RBM25: variants seen among roughly 807,000 people sequenced by gnomAD.
The protein encoded by RBM25 is RNA binding motif protein 25.
RBM25 carries 19 observed loss-of-function variants against 120.7 expected under a neutral mutation model. The observed-to-expected ratio is 0.16, with a 90% CI of 0.11 to 0.23. RBM25 has a LOEUF of 0.23. Ranked by LOEUF, RBM25 falls within the 10% of genes least tolerant of loss-of-function variation. RBM25 has a pLI of 1.00. For synonymous variants in RBM25, 390 were observed against 326.7 expected, an observed-to-expected ratio of 1.19 and a Z score of -2.09; for missense variants, 605 against 1,041.5, an observed-to-expected ratio of 0.58 and a Z score of 5.77.
chr14:73,104,034 A>G (rs1310513396), intron 10 of RBM25, among the ~76,000 whole-genome samples: 2 of 150,502 alleles, frequency 1.3e-5, no homozygotes, highest in African/African-American at 2.5e-5. Context: ...GGTAAAAGTA[A>G]TAATTTTCAA....
intron 7 of RBM25, 91 bp downstream of exon 7, chr14:73,097,191 C>CTTTTTTTTT (rs202085217): frequency 7.7e-5 from 29 of 375,676 alleles, no homozygotes; most frequent in Admixed American, 3.7e-4. Flanking sequence ...TTTCTTTTTT[C>CTTTTTTTTT]TTTTCTTTTT....
At position 73,109,511 on chromosome 14, in the gene RBM25, T is replaced by A; in HGVS notation, c.1692+19T>A. On this transcript the variant is annotated intron_variant, in intron 14 of 18. Coordinates refer to ENST00000261973, the MANE Select transcript of RBM25 (RefSeq NM_021239.3). ...CCAGAGGGTAAGATACTGTACCATCTGGTCGGGCGCGGTGGCTCACGCCTG... is the reference window on the plus strand; with the variant it reads ...CCAGAGGGTAAGATACTGTACCATCAGGTCGGGCGCGGTGGCTCACGCCTG... 6.2e-7 allele frequency: 1 copy of A among 1,603,956 alleles called. No individual in the cohort carries two copies. The highest frequency in any genetic ancestry group is 8.5e-7 in the Non-Finnish European group (1 of 1,175,422).
intron 2 of RBM25, 63 bp from the exon 3 acceptor site, chr14:73,076,256 G>A (rs1895418460): frequency 7.7e-7 from 1 of 1,299,714 alleles, no homozygotes; most frequent in Non-Finnish European, 1.1e-6. Context: ...ATACTTAATT[G>A]TGTGGCATGT....
In RBM25 at chr14:73,119,819, T is replaced by G; in HGVS notation, c.*14T>G. On this transcript the variant is annotated 3_prime_UTR_variant, in exon 19 of 19. Transcript: ENST00000261973. Reference sequence around the variant, plus strand: ...CTTGTGAAGTAAAACTTTTTATATTTAGAGTTCCATTTCAGATTTCTTCTT... The same window carrying G: ...CTTGTGAAGTAAAACTTTTTATATTGAGAGTTCCATTTCAGATTTCTTCTT... 6.3e-7 allele frequency: 1 copy of G among 1,594,796 alleles called. No homozygotes were observed. The highest frequency in any genetic ancestry group is 8.5e-7 in the Non-Finnish European group (1 of 1,175,472).
At chr14:73,070,460 CT>C (rs1895258427) in intron 1 of RBM25, among the ~76,000 whole-genome samples, 1 of 151,466 alleles carries the variant, frequency 6.6e-6, no homozygotes, top group Non-Finnish European at 1.5e-5. Context: ...AAAACTATGA[CT>C]TTTTTTTCTC....
chr14:73,108,653 A>G (rs1896240812), intron 13 of RBM25, among the ~76,000 whole-genome samples: 1 of 152,164 alleles, frequency 6.6e-6, no homozygotes, highest in Admixed American at 6.5e-5. Flanking sequence ...TTTTATCTCT[A>G]ATTTGTCTGA....
intron 6 of RBM25, among the ~76,000 whole-genome samples, chr14:73,091,954 A>G (rs1213137917): frequency 1.3e-5 from 2 of 152,218 alleles, no homozygotes; most frequent in East Asian, 1.9e-4. Flanking sequence ...CAATTGACAG[A>G]TATCAGTTAT....
chr14:73,110,148 G>C (rs371494352), intron 14 of RBM25, among the ~76,000 whole-genome samples: 1 of 149,962 alleles, frequency 6.7e-6, no homozygotes, highest in Non-Finnish European at 1.5e-5. Context: ...GCATCCCAAA[G>C]TCCTGGGATT....
rs2140462395 is a variant in RBM25, at chr14:73,110,962, G to A, written c.1824G>A (p.Glu608=). The change falls in exon 15 of 19, where the codon GAG becomes GAA. Residue 608 remains glutamate (E), a synonymous_variant. Coordinates refer to ENST00000261973, the MANE Select transcript of RBM25 (RefSeq NM_021239.3). Reference sequence around the variant, plus strand: ...CCATGGAAGAGGAAGAGGAGCCAGAGCAAAAGCCTTGTCTGAAACCTACTC... The same window carrying A: ...CCATGGAAGAGGAAGAGGAGCCAGAACAAAAGCCTTGTCTGAAACCTACTC... ...EEPMEEEEEP[E]QKPCLKPTLR... is the part of the protein sequence containing the mutation. 1.9e-6 allele frequency: 3 copies of A among 1,613,110 alleles called. No homozygotes were observed. Among genetic ancestry groups the A allele is most frequent in the Non-Finnish European group, 2.5e-6 (3 of 1,179,490 alleles).
At chr14:73,118,791 G>A (rs760500246) in intron 18 of RBM25, among the ~76,000 whole-genome samples, 2 of 151,324 alleles carry the variant, frequency 1.3e-5, no homozygotes, top group Non-Finnish European at 1.5e-5. Context: ...ATTTAGAGAC[G>A]GAGTTTTGCT....
At position 73,103,980 on chromosome 14, in the gene RBM25, ACACACACACACACACTCTCTCT is replaced by A. The variant is rs1594928424; in HGVS notation, c.1154+504_1154+525del. ...CACACACACACACACACACACACAC[ACACACACACACACACTCTCTCT>A]CTCTCTCTCTCTCTCACTATGGGTA... On this transcript the variant is annotated intron_variant, in intron 10 of 18. Transcript: ENST00000261973. 2.2e-5 allele frequency among the ~76,000 whole-genome samples: 3 copies of A among 136,658 alleles called. No individual in the cohort carries two copies. In the East Asian group the frequency reaches 6.5e-4, roughly 29 times the overall value. The allele number at this position is 136,658 out of a possible 152,430, so 89.7% of individuals were successfully genotyped here. A position where few individuals can be genotyped will look rare whatever the true frequency, so the allele number is the denominator to read the frequency against.
At chr14:73,097,125 C>T in intron 7 of RBM25, 25 bp downstream of exon 7, 1 of 1,513,718 alleles carries the variant, frequency 6.6e-7, no homozygotes, top group Non-Finnish European at 8.9e-7. Flanking sequence ...AACAACATAT[C>T]ATTTCTACCG....
chr14:73,072,989 C>G (rs968019486), intron 2 of RBM25, among the ~76,000 whole-genome samples: 2 of 152,056 alleles, frequency 1.3e-5, no homozygotes, highest in Non-Finnish European at 2.9e-5. Flanking sequence ...TACAGTGGCA[C>G]GATCATGGCT....
chr14:73,068,491 T>C (rs1895197464), intron 1 of RBM25: 1 of 894,584 alleles, frequency 1.1e-6, no homozygotes, highest in Non-Finnish European at 1.8e-6. Flanking sequence ...GTATTGTCAG[T>C]GTGCCGCATG....
chr14:73,121,601 A>AC lies in RBM25; in HGVS notation c.*1801dup, dbSNP rs1018788619. The stretch of plus-strand genomic sequence containing the variant: ...AATTTTTCAGTCTTTTCTTAGACAC[A>AC]CCCCCAGCCTAAGACCTTGTTCGAG... On this transcript the variant is annotated 3_prime_UTR_variant, in exon 19 of 19. Coordinates refer to ENST00000261973, the MANE Select transcript of RBM25 (RefSeq NM_021239.3). 1.3e-5 allele frequency: 2 copies of AC among 152,040 alleles called. No homozygotes were observed. The highest frequency in any genetic ancestry group is 2.9e-5 in the Non-Finnish European group (2 of 68,004). 9.4% of individuals were successfully genotyped at this position (152,040 alleles called of 1,614,324 possible).
intron 9 of RBM25, chr14:73,100,359 G>C: frequency 1.5e-6 from 1 of 668,960 alleles, no homozygotes; most frequent in East Asian, 2.8e-5. Flanking sequence ...ACAAGGAATA[G>C]GATGTAAGTA....
At chr14:73,061,161 A>C (rs1383006299) in intron 1 of RBM25, among the ~76,000 whole-genome samples, 2 of 150,598 alleles carry the variant, frequency 1.3e-5, no homozygotes, top group African/African-American at 4.9e-5. Context: ...GGGTTCAAGC[A>C]ATTCTCTTGC....
intron 4 of RBM25, among the ~76,000 whole-genome samples, chr14:73,078,063 G>A (rs1895466233): frequency 6.6e-6 from 1 of 152,138 alleles, no homozygotes; most frequent in Non-Finnish European, 1.5e-5. Flanking sequence ...AGCACTTCAG[G>A]AGGCCGAGGT....
chr14:73,078,002 A>C (rs1430872902), intron 4 of RBM25, among the ~76,000 whole-genome samples: 1 of 152,104 alleles, frequency 6.6e-6, no homozygotes, highest in Non-Finnish European at 1.5e-5. Context: ...CATCTTTACA[A>C]AAAATTAAAA....
Sources: allele counts gnomAD v4.1 joint callset (sites outside exome capture counted in the v4.1 genomes callset), GRCh38; gene constraint gnomAD v4.1.1; transcripts MANE v1.5; gene names NCBI Gene and HGNC (gene_info 2026-07-23, HGNC 2026-07-21).